CDH12: variants seen among roughly 807,000 people sequenced by gnomAD.
CDH12 encodes cadherin 12.
CDH12 carries 41 observed loss-of-function variants against 74.1 expected under a neutral mutation model. The ratio of observed to expected loss-of-function variants is 0.55; its 90% CI spans 0.43 to 0.72. CDH12 has a LOEUF of 0.72. CDH12 is among the 30% of genes least tolerant of loss of function. The probability of loss-of-function intolerance (pLI) is 0.00; values close to 1 mark genes in which losing one functional copy is unlikely to be tolerated. For synonymous variants in CDH12, 399 were observed against 355.0 expected, an observed-to-expected ratio of 1.12 and a Z score of -1.39; for missense variants, 945 against 977.2, an observed-to-expected ratio of 0.97 and a Z score of 0.44.
At chr5:21,810,650 C>G (rs1453614383) in intron 9 of CDH12, among the ~76,000 whole-genome samples, 5 of 151,992 alleles carry the variant, frequency 3.3e-5, no homozygotes, top group African/African-American at 4.8e-5. Flanking sequence ...GGCTAAGTTA[C>G]AGTTGATGAG....
chr5:22,372,963 T>C (rs1324518969), intron 3 of CDH12, among the ~76,000 whole-genome samples: 1 of 152,090 alleles, frequency 6.6e-6, no homozygotes, highest in African/African-American at 2.4e-5. Context: ...AAGCTACTCC[T>C]ACTGCAAGCA....
At chr5:22,142,291 A>G in intron 4 of CDH12, 1 of 271,234 alleles carries the variant, frequency 3.7e-6, no homozygotes, top group South Asian at 4.4e-5. Context: ...AGAGTAAAAA[A>G]GAAAGCCTAT....
intron 1 of CDH12, among the ~76,000 whole-genome samples, chr5:22,669,062 C>T (rs1189937806): frequency 6.6e-6 from 1 of 152,092 alleles, no homozygotes; most frequent in Non-Finnish European, 1.5e-5. Context: ...ATAACACTTG[C>T]TCTTTTCCTC....
chr5:22,569,003 A>AT (rs1168066511), intron 1 of CDH12, among the ~76,000 whole-genome samples: 4 of 152,142 alleles, frequency 2.6e-5, no homozygotes, highest in Non-Finnish European at 5.9e-5. Flanking sequence ...AGCTGTGACA[A>AT]TTTCTTAAAA....
chr5:22,810,929 GTATACACA>G, intron 1 of CDH12, among the ~76,000 whole-genome samples: 3 of 144,414 alleles, frequency 2.1e-5, no homozygotes, highest in Admixed American at 6.8e-5. Context: ...GTGTGTGTGT[GTATACACA>G]TATATACTTA....
chr5:22,255,421 AC>A (rs1214954454), intron 3 of CDH12, among the ~76,000 whole-genome samples: 1 of 151,836 alleles, frequency 6.6e-6, no homozygotes, highest in Admixed American at 6.6e-5. Flanking sequence ...TATGCTAAAA[AC>A]ATTCATATTA....
intron 3 of CDH12, among the ~76,000 whole-genome samples, chr5:22,224,462 T>C (rs1394985617): frequency 1.3e-5 from 2 of 152,058 alleles, no homozygotes; most frequent in Non-Finnish European, 2.9e-5. Context: ...CCCCCATTGT[T>C]CTGTTCTTTT....
At chr5:22,105,572 C>T (rs1054483908) in intron 4 of CDH12, among the ~76,000 whole-genome samples, 1 of 151,534 alleles carries the variant, frequency 6.6e-6, no homozygotes, top group African/African-American at 2.4e-5. Context: ...GTGTTCTGCA[C>T]CTGTAGTTTC....
chr5:21,975,335 T>C lies in CDH12; in HGVS notation c.282A>G (p.Ser94=). 1 of 1,597,154 alleles carries C rather than the reference T, an allele frequency of 6.3e-7. No individual in the cohort carries two copies. Among genetic ancestry groups the C allele is most frequent in the Non-Finnish European group, 8.5e-7 (1 of 1,179,550 alleles). Residue 94 remains serine, a synonymous_variant, in exon 6 of 15, where the codon TCA becomes TCG. Coordinates refer to ENST00000382254, the MANE Select transcript of CDH12 (RefSeq NM_004061.5). ...TAAAAACGGTGCCAGCGCCATCTCC[T>C]GAGAGGGTGTATTTCACAGTGCCCT... ...KGEGTVKYTL[S]GDGAGTVFTI...
intron 7 of CDH12, among the ~76,000 whole-genome samples, chr5:21,853,463 T>A (rs1177096860): frequency 6.6e-6 from 1 of 151,596 alleles, no homozygotes; most frequent in Admixed American, 6.6e-5. Flanking sequence ...GTCCTTTAAC[T>A]TTTTGATGAC....
intron 2 of CDH12, among the ~76,000 whole-genome samples, chr5:22,477,931 C>CAAG (rs1746232518): frequency 6.6e-6 from 1 of 152,020 alleles, no homozygotes; most frequent in Non-Finnish European, 1.5e-5. Context: ...ATGAGTTAAC[C>CAAG]TTTCCATTAT....
At chr5:22,170,658 AG>A (rs1262110868) in intron 4 of CDH12, among the ~76,000 whole-genome samples, 2 of 151,588 alleles carry the variant, frequency 1.3e-5, no homozygotes, top group African/African-American at 4.8e-5. Context: ...CATTCTTCCC[AG>A]GCTACTTCTG....
At chr5:21,797,334 C>T (rs1379937800) in intron 10 of CDH12, among the ~76,000 whole-genome samples, 2 of 152,068 alleles carry the variant, frequency 1.3e-5, no homozygotes, top group Admixed American at 6.6e-5. Context: ...CTAACCATGT[C>T]GAGTAATTTT....
intron 1 of CDH12, among the ~76,000 whole-genome samples, chr5:22,658,863 G>A (rs546188864): frequency 6.6e-6 from 1 of 152,198 alleles, no homozygotes; most frequent in Non-Finnish European, 1.5e-5. Context: ...TTCACTGAAG[G>A]AAATAGTCTT....
chr5:22,750,976 A>C (rs566340594), intron 1 of CDH12, among the ~76,000 whole-genome samples: 20 of 151,370 alleles, frequency 1.3e-4, no homozygotes, highest in Non-Finnish European at 5.9e-5. Flanking sequence ...AACAAGGTTT[A>C]CAACCCTGGA....
chr5:21,835,330 A>T, intron 8 of CDH12, among the ~76,000 whole-genome samples: 1 of 151,788 alleles, frequency 6.6e-6, no homozygotes, highest in Middle Eastern at 3.4e-3. Context: ...AAGAATTATG[A>T]ATGCTCAGAC....
At chr5:22,560,489 C>T (rs1738994728) in intron 1 of CDH12, among the ~76,000 whole-genome samples, 1 of 152,042 alleles carries the variant, frequency 6.6e-6, no homozygotes, top group South Asian at 2.1e-4. Flanking sequence ...TTAATTGGAA[C>T]AGTTTTCTCC....
intron 5 of CDH12, among the ~76,000 whole-genome samples, chr5:22,030,227 C>T (rs1032240488): frequency 6.6e-6 from 1 of 151,790 alleles, no homozygotes; most frequent in Non-Finnish European, 1.5e-5. Flanking sequence ...AACTAACCTG[C>T]ACATTGTACA....
At chr5:22,029,744 C>T (rs1294812403) in intron 5 of CDH12, among the ~76,000 whole-genome samples, 2 of 151,692 alleles carry the variant, frequency 1.3e-5, no homozygotes, top group Non-Finnish European at 2.9e-5. Context: ...ACCATTTGAC[C>T]CAGCCATCCC....
Sources: allele counts gnomAD v4.1 joint callset (sites outside exome capture counted in the v4.1 genomes callset), GRCh38; gene constraint gnomAD v4.1.1; transcripts MANE v1.5; gene names NCBI Gene and HGNC (gene_info 2026-07-23, HGNC 2026-07-21).